PHACTR2: variants seen among roughly 807,000 people sequenced by gnomAD.
The protein encoded by PHACTR2 is chromosome 6 open reading frame 56.
In PHACTR2, 30 loss-of-function variants were observed where a neutral mutation model predicts 76.0. That is an observed-to-expected ratio of 0.39 (90% CI 0.30 to 0.54). PHACTR2 has a LOEUF of 0.54. Ranked by LOEUF, PHACTR2 falls within the 20% of genes least tolerant of loss-of-function variation. PHACTR2 has a pLI of 0.61. For missense variants in PHACTR2, 696 were observed against 781.1 expected (o/e 0.89, Z 1.30); for synonymous variants, 292 against 292.5 (o/e 1.00, Z 0.02).
Position 143,765,240 on chromosome 6 carries a change from T to A in PHACTR2, c.695-21T>A. On this transcript the variant is annotated intron_variant, in intron 5 of 12. Transcript: ENST00000440869. This position sits in a 1 kb window ranked among gnomAD's most constrained non-coding sequence, Gnocchi z 4.1. ...AGCATTGTATTCTTTGATTTTTTAA[T>A]GCAAGGTCTCTCTATTGTAGCTGGC... The A allele has an allele frequency of 6.4e-7, 1 of 1,571,380 alleles. No individual in the cohort carries two copies. Among genetic ancestry groups the A allele is most frequent in the Non-Finnish European group, 8.6e-7 (1 of 1,157,872 alleles).
Position 143,788,866 on chromosome 6 carries a change from C to T in PHACTR2, c.1801C>T (p.Arg601Cys), listed in dbSNP as rs1357264620. The T allele has an allele frequency of 3.7e-6, 6 of 1,613,516 alleles. No homozygotes were observed. The highest frequency in any genetic ancestry group is 5.1e-6 in the Non-Finnish European group (6 of 1,179,612). ...AGTCACGGATTCTCCTGACTATGACCGCCGAGCAGACAAGCCCTGGGCCAG... is the reference window on the plus strand; with the variant it reads ...AGTCACGGATTCTCCTGACTATGACTGCCGAGCAGACAAGCCCTGGGCCAG... The part of the protein sequence containing the change: ...VEVTDSPDYD[R>C]RADKPWARLT... Residue 601 changes from arginine (R) to cysteine (C), a missense_variant, in exon 11 of 13, where the codon CGC (arginine) becomes TGC (cysteine). Around this residue, in one of 2 missense-constraint regions of PHACTR2, gnomAD observed 236 missense variants for 330.2 expected, o/e 0.71. Transcript: ENST00000440869.
rs1777154000 is a variant in PHACTR2, at chr6:143,671,539, CT to C, written c.14-40475del. Among the ~76,000 whole-genome samples the C allele has an allele frequency of 1.3e-5, 2 of 152,192 alleles. No individual in the cohort carries two copies. Among genetic ancestry groups the C allele is most frequent in the African/African-American group, 2.4e-5 (1 of 41,456 alleles). ...TTCTGAATTTCATAGCACTTTTCATCTTCTAAATTGTTATAAAGTTTACTGA... is the reference window on the plus strand; with the variant it reads ...TTCTGAATTTCATAGCACTTTTCATCTCTAAATTGTTATAAAGTTTACTGA... On this transcript the variant is annotated intron_variant, in intron 1 of 11. Transcript: ENST00000305766. This position sits in a 1 kb window ranked among gnomAD's most constrained non-coding sequence, Gnocchi z 4.6.
chr6:143,544,253 G>GGAAGGAAGGGAGACAGGGAGGGGAAA (rs111872744), intron 1 of PHACTR2, among the ~76,000 whole-genome samples: 2 of 144,070 alleles, frequency 1.4e-5, no homozygotes, highest in African/African-American at 5.8e-5. Flanking sequence ...GGAGGGAGTG[G>GGAAGGAAGGGAGACAGGGAGGGGAAA]GAAGGAAGGA....
At chr6:143,628,252 G>A (rs948527378) in intron 1 of PHACTR2, among the ~76,000 whole-genome samples, 1 of 152,200 alleles carries the variant, frequency 6.6e-6, no homozygotes, top group African/African-American at 2.4e-5. Context: ...TGCTATGAAT[G>A]TTTGTGTACA....
rs900288634 is a variant in PHACTR2 at position 143,625,659 on chromosome 6, A to G, written c.13+17337A>G. On this transcript the variant is annotated intron_variant, in intron 1 of 11. Transcript: ENST00000305766. The surrounding 1 kb of genome is among the most constrained non-coding windows in gnomAD (Gnocchi z 4.3). The stretch of plus-strand genomic sequence containing the variant: ...TTAGTTCTTATTTTCTTTGTTTATC[A>G]TAATTTTAGAATATAATTTAGTTGA... 6.6e-6 allele frequency among the ~76,000 whole-genome samples: 1 copy of G among 152,206 alleles called. No individual in the cohort carries two copies. Among genetic ancestry groups the G allele is most frequent in the East Asian group, 1.9e-4 (1 of 5,204 alleles).
At chr6:143,719,148 C>T (rs1226684028) in intron 2 of PHACTR2, among the ~76,000 whole-genome samples, 1 of 149,944 alleles carries the variant, frequency 6.7e-6, no homozygotes, top group African/African-American at 2.5e-5. Flanking sequence ...CTCCTAAAGT[C>T]CTGGGATTAC....
At chr6:143,702,127 C>CT (rs909954007) in intron 1 of PHACTR2, among the ~76,000 whole-genome samples, 1,598 of 105,694 alleles carry the variant, frequency 0.015, 30 homozygotes, top group African/African-American at 0.031. Flanking sequence ...GTCTTCTTTG[C>CT]TTTTTTTTTT....
In PHACTR2 at chr6:143,764,087, G is replaced by A. The variant is rs995887845; in HGVS notation, c.695-1174G>A. On this transcript the variant is annotated intron_variant, in intron 5 of 12. Coordinates refer to ENST00000440869, the MANE Select transcript of PHACTR2 (RefSeq NM_001100164.2). This position sits in a 1 kb window ranked among gnomAD's most constrained non-coding sequence, Gnocchi z 4.7. ...TGTTTTGATTGAGGGTGCCCTATCCGGAAGTAGGCAAATATACCATAGCTA... is the reference window on the plus strand; with the variant it reads ...TGTTTTGATTGAGGGTGCCCTATCCAGAAGTAGGCAAATATACCATAGCTA... Among the ~76,000 whole-genome samples, 2 of 152,108 alleles carry A rather than the reference G, an allele frequency of 1.3e-5. No individual in the cohort carries two copies. The highest frequency in any genetic ancestry group is 2.9e-5 in the Non-Finnish European group (2 of 68,006).
At chr6:143,572,097 T>C (rs1396016802) in intron 1 of PHACTR2, among the ~76,000 whole-genome samples, 2 of 152,264 alleles carry the variant, frequency 1.3e-5, no homozygotes, top group Non-Finnish European at 2.9e-5. Context: ...CTTGCTTCTA[T>C]ATTTCTTTTT....
Position 143,571,098 on chromosome 6 carries a change from CTG to C in PHACTR2, c.217+33893_217+33894del, listed in dbSNP as rs1775441578. On this transcript the variant is annotated intron_variant, in intron 1 of 11. Coordinates refer to the PHACTR2 transcript ENST00000367584. The surrounding 1 kb of genome is among the most constrained non-coding windows in gnomAD (Gnocchi z 4.6). Reference sequence around the variant, plus strand: ...CCCCAAATGGTAATATCTTACAAAACTGTAGTACAACGATGGAAATCAAGAAG... The same window carrying C: ...CCCCAAATGGTAATATCTTACAAAACTAGTACAACGATGGAAATCAAGAAG... Among the ~76,000 whole-genome samples the C allele has an allele frequency of 6.6e-6, 1 of 152,206 alleles. No individual in the cohort carries two copies. Among genetic ancestry groups the C allele is most frequent in the African/African-American group, 2.4e-5 (1 of 41,446 alleles).
In PHACTR2 at chr6:143,581,694, G is replaced by A. The variant is rs939102866; in HGVS notation, c.217+44487G>A. Among the ~76,000 whole-genome samples the A allele has an allele frequency of 2.0e-5, 3 of 152,014 alleles. No individual in the cohort carries two copies. Among genetic ancestry groups the A allele is most frequent in the African/African-American group, 7.3e-5 (3 of 41,370 alleles). On this transcript the variant is annotated intron_variant, in intron 1 of 11. Coordinates refer to the PHACTR2 transcript ENST00000367584. The surrounding 1 kb of genome is among the most constrained non-coding windows in gnomAD (Gnocchi z 4.5). ...AAAAATACGAACATTAGCTGGACAT[G>A]GTGGTGGGTGCCTGTAATCCCAGCT...
In PHACTR2 at chr6:143,795,021, T is replaced by A. The variant is rs566579122; in HGVS notation, c.1845+6111T>A. The stretch of plus-strand genomic sequence containing the variant: ...TGGTTGTGGTGGGGAATCTCCGGAA[T>A]CTGGTAGTCTGGTTAAATGGCTCAT... On this transcript the variant is annotated intron_variant, in intron 11 of 12. Transcript: ENST00000440869. This position sits in a 1 kb window ranked among gnomAD's most constrained non-coding sequence, Gnocchi z 4.8. Among the ~76,000 whole-genome samples the A allele has an allele frequency of 6.6e-6, 1 of 152,308 alleles. No individual in the cohort carries two copies. The highest frequency in any genetic ancestry group is 1.5e-5 in the Non-Finnish European group (1 of 68,024).
chr6:143,560,882 G>GGGGT lies in PHACTR2; in HGVS notation c.217+23676_217+23677insGGTG, dbSNP rs1467042988. Among the ~76,000 whole-genome samples the GGGGT allele has an allele frequency of 5.7e-3, 760 of 133,070 alleles. 9 individuals carry two copies. Among genetic ancestry groups the GGGGT allele is most frequent in the African/African-American group, 0.019 (663 of 34,390 alleles). 87.3% of individuals were successfully genotyped at this position (133,070 alleles called of 152,430 possible). ...TGGGATATAAAATGCAAAGCAGAGG[G>GGGGT]GTGTGTGTGTGTGTGTGTGTGTGTG... On this transcript the variant is annotated intron_variant, in intron 1 of 11. Coordinates refer to the PHACTR2 transcript ENST00000367584.
chr6:143,640,411 G>A (rs751854118), intron 1 of PHACTR2, among the ~76,000 whole-genome samples: 76 of 152,104 alleles, frequency 5.0e-4, no homozygotes, highest in South Asian at 1.0e-3. Context: ...ATAGAATAAC[G>A]TTCTCAAACA....
In PHACTR2 at chr6:143,641,383, G is replaced by A. The variant is rs1469798715; in HGVS notation, c.13+33061G>A. Among the ~76,000 whole-genome samples, 4 of 152,206 alleles carry A rather than the reference G, an allele frequency of 2.6e-5. No individual in the cohort carries two copies. Among genetic ancestry groups the A allele is most frequent in the African/African-American group, 9.6e-5 (4 of 41,468 alleles). On this transcript the variant is annotated intron_variant, in intron 1 of 11. Transcript: ENST00000305766. The surrounding 1 kb of genome is among the most constrained non-coding windows in gnomAD (Gnocchi z 5.8). The stretch of plus-strand genomic sequence containing the variant: ...CCTGGAGCTTCCAGAAGCTGGAGGA[G>A]GAAAGGAAGGATTCTCCTCCAGTGC...
chr6:143,762,798 C>T (rs765934250), intron 5 of PHACTR2, among the ~76,000 whole-genome samples: 1 of 152,146 alleles, frequency 6.6e-6, no homozygotes, highest in African/African-American at 2.4e-5. Context: ...CCAGAGAAAT[C>T]GGGTTAAATC....
upstream of PHACTR2, among the ~76,000 whole-genome samples, chr6:143,606,512 T>C (rs547635946): frequency 1.3e-5 from 2 of 152,344 alleles, no homozygotes; most frequent in South Asian, 2.1e-4. Context: ...ACAAAGCTAA[T>C]ATAAATATAT....
rs1777376330 is a variant in PHACTR2 at position 143,680,891 on chromosome 6, G to T, written c.46+2682G>T. 6.6e-6 allele frequency among the ~76,000 whole-genome samples: 1 copy of T among 152,112 alleles called. No individual in the cohort carries two copies. Among genetic ancestry groups the T allele is most frequent in the Admixed American group, 6.5e-5 (1 of 15,276 alleles). Reference sequence around the variant, plus strand: ...TTTTGTGACTGGCTTCTTTCAGTTAGCATAATGTTTTCAAGGGTCATCCAT... The same window carrying T: ...TTTTGTGACTGGCTTCTTTCAGTTATCATAATGTTTTCAAGGGTCATCCAT... On this transcript the variant is annotated intron_variant, in intron 1 of 12. Transcript: ENST00000440869. This position sits in a 1 kb window ranked among gnomAD's most constrained non-coding sequence, Gnocchi z 4.5.
rs1433165180 is a variant in PHACTR2, at chr6:143,572,500, C to T, written c.217+35293C>T. 4.6e-5 allele frequency among the ~76,000 whole-genome samples: 7 copies of T among 152,138 alleles called. No homozygotes were observed. The South Asian group carries it at 1.4e-3, about 31-fold the overall frequency. Reference sequence around the variant, plus strand: ...TATTATAGATTGATTCATACTCAAACACTAACAGTGGTTTTTTTGTTTGTT... The same window carrying T: ...TATTATAGATTGATTCATACTCAAATACTAACAGTGGTTTTTTTGTTTGTT... On this transcript the variant is annotated intron_variant, in intron 1 of 11. Coordinates refer to the PHACTR2 transcript ENST00000367584.
Sources: allele counts gnomAD v4.1 joint callset (sites outside exome capture counted in the v4.1 genomes callset), GRCh38; gene constraint gnomAD v4.1.1; regional missense constraint gnomAD v4.1.1; non-coding constraint Gnocchi (gnomAD v3.1); transcripts MANE v1.5; gene names NCBI Gene and HGNC (gene_info 2026-07-23, HGNC 2026-07-21).